Variants in NSMAF observed in about 807,000 individuals in gnomAD.
The protein encoded by NSMAF is neutral sphingomyelinase activation associated factor, also known as protein FAN.
NSMAF carries 90 observed loss-of-function variants against 134.9 expected under a neutral mutation model. The observed-to-expected ratio is 0.67, with a 90% CI of 0.56 to 0.79. The LOEUF (loss-of-function observed/expected upper bound fraction) is 0.79, where lower values mean the gene tolerates loss of function less well. NSMAF is among the 30% of genes least tolerant of loss of function. The probability of loss-of-function intolerance (pLI) is 0.00; values close to 1 mark genes in which losing one functional copy is unlikely to be tolerated. For synonymous variants in NSMAF, 358 were observed against 389.6 expected, an observed-to-expected ratio of 0.92 and a Z score of 0.96; for missense variants, 1,010 against 1,119.0, an observed-to-expected ratio of 0.90 and a Z score of 1.39.
chr8:58,617,924 A>G (rs1483016240), intron 9 of NSMAF, among the ~76,000 whole-genome samples: 1 of 152,234 alleles, frequency 6.6e-6, no homozygotes, highest in Non-Finnish European at 1.5e-5. Flanking sequence ...ATGTCCATCA[A>G]TGATAGACTG....
intron 16 of NSMAF, 144 bp from the exon 17 acceptor site, chr8:58,600,165 T>C (rs1806246026): frequency 1.6e-6 from 1 of 643,994 alleles, no homozygotes; most frequent in African/African-American, 1.8e-5. Flanking sequence ...TCTCTCTGAG[T>C]GTCCCACTTT....
At chr8:58,623,587 A>T (rs1585748407) in intron 7 of NSMAF, 122 bp downstream of exon 7, 2 of 1,071,572 alleles carry the variant, frequency 1.9e-6, no homozygotes, top group Non-Finnish European at 1.4e-6. Flanking sequence ...TCAACATTTT[A>T]AGTCAATCTG....
rs1462424664 is a variant in NSMAF, at chr8:58,603,375, C to A, written c.880G>T (p.Ala294Ser). Residue 294 changes from alanine (A) to serine (S), a missense_variant, in exon 13 of 31, where the codon GCG (alanine) becomes TCG (serine). By Grantham distance (99) the Ala-to-Ser change is moderately conservative (BLOSUM62 1). Transcript: ENST00000038176. ...YIATYLEHHV[A>S]EHTAESYMLQ... Reference sequence around the variant, plus strand: ...ATGTAGCTCTCAGCAGTGTGCTCCGCCACATGGTGCTCTGGGGGAAGAGGA... The same window carrying A: ...ATGTAGCTCTCAGCAGTGTGCTCCGACACATGGTGCTCTGGGGGAAGAGGA... 2 of 1,613,582 alleles carry A rather than the reference C, an allele frequency of 1.2e-6. No individual in the cohort carries two copies. The highest frequency in any genetic ancestry group is 1.7e-6 in the Non-Finnish European group (2 of 1,179,996).
intron 9 of NSMAF, among the ~76,000 whole-genome samples, chr8:58,622,241 T>G (rs565435740): frequency 4.5e-4 from 69 of 152,190 alleles, no homozygotes; most frequent in Admixed American, 9.8e-4. Context: ...CATTTTAAAA[T>G]TTATTATTTT....
At chr8:58,644,498 T>A (rs565491089) in intron 1 of NSMAF, among the ~76,000 whole-genome samples, 6 of 152,328 alleles carry the variant, frequency 3.9e-5, no homozygotes, top group African/African-American at 1.4e-4. Context: ...GAAATAGGAA[T>A]GCTTTTACAC....
At chr8:58,607,490 A>C (rs1039294126) in intron 11 of NSMAF, among the ~76,000 whole-genome samples, 4 of 152,230 alleles carry the variant, frequency 2.6e-5, no homozygotes, top group Non-Finnish European at 4.4e-5. Context: ...TGAGCCCAGA[A>C]ACTGAGAATG....
Position 58,644,422 on chromosome 8 carries a change from A to T in NSMAF, c.60-1349T>A, listed in dbSNP as rs1421059306. Among the ~76,000 whole-genome samples the T allele has an allele frequency of 2.0e-5, 3 of 152,314 alleles. No individual in the cohort carries two copies. In the South Asian group the frequency reaches 6.2e-4, roughly 32 times the overall value. On this transcript the variant is annotated intron_variant, in intron 1 of 30. Transcript: ENST00000038176. The stretch of plus-strand genomic sequence containing the variant: ...AGAAGGCACCACTCAGGAGAAAACC[A>T]GTTCAAGTCACCGGACTTCCAAAAA...
At chr8:58,608,244 A>T (rs1289891883) in intron 10 of NSMAF, among the ~76,000 whole-genome samples, 4 of 152,244 alleles carry the variant, frequency 2.6e-5, no homozygotes, top group Admixed American at 2.6e-4. Flanking sequence ...ACTGACACAC[A>T]TCTTTTTTAA....
intron 1 of NSMAF, among the ~76,000 whole-genome samples, chr8:58,649,039 G>C (rs1425905049): frequency 6.6e-6 from 1 of 152,222 alleles, no homozygotes; most frequent in Non-Finnish European, 1.5e-5. Context: ...GCATGGAAAA[G>C]TTGCTGGCAC....
At chr8:58,631,589 G>C (rs1472005468) in intron 5 of NSMAF, 43 bp from the exon 6 acceptor site, 9 of 1,120,888 alleles carry the variant, frequency 8.0e-6, no homozygotes, top group Non-Finnish European at 1.2e-5. Context: ...TAACCAAAAT[G>C]TTTCATTGTA....
At chr8:58,589,355 G>T in intron 26 of NSMAF, 97 bp downstream of exon 26, 1 of 947,074 alleles carries the variant, frequency 1.1e-6, no homozygotes, top group Non-Finnish European at 1.4e-6. Context: ...AGGTAGTTGA[G>T]TGGCTTATAA....
chr8:58,599,231 C>A lies in NSMAF; in HGVS notation c.1585+1G>T, dbSNP rs1806215442. Reference sequence around the variant, plus strand: ...ATAAAATTTCAATGAATATTACATACCATTATGGGCCCCAACTGCATCACT... The same window carrying A: ...ATAAAATTTCAATGAATATTACATAACATTATGGGCCCCAACTGCATCACT... On this transcript the variant is annotated splice_donor_variant, in intron 19 of 30. Transcript: ENST00000038176. LOFTEE classifies it high-confidence loss of function. 11 of 1,611,874 alleles carry A rather than the reference C, an allele frequency of 6.8e-6. No individual in the cohort carries two copies. The highest frequency in any genetic ancestry group is 8.5e-6 in the Non-Finnish European group (10 of 1,178,796).
chr8:58,624,277 C>A (rs1441300448), intron 6 of NSMAF, among the ~76,000 whole-genome samples: 1 of 151,944 alleles, frequency 6.6e-6, no homozygotes, highest in Non-Finnish European at 1.5e-5. Flanking sequence ...AAACTCCTGA[C>A]CTCAGGTGAT....
chr8:58,624,639 T>A (rs1330950932), intron 6 of NSMAF, among the ~76,000 whole-genome samples: 2 of 152,212 alleles, frequency 1.3e-5, no homozygotes, highest in Non-Finnish European at 2.9e-5. Flanking sequence ...TCCTCTTAAA[T>A]TTGTTAGGAC....
At position 58,623,256 on chromosome 8, in the gene NSMAF, T is replaced by G; in HGVS notation, c.521A>C (p.Gln174Pro). The G allele has an allele frequency of 1.9e-6, 3 of 1,610,516 alleles. No individual in the cohort carries two copies. The highest frequency in any genetic ancestry group is 2.5e-6 in the Non-Finnish European group (3 of 1,177,954). ...DQTAMITAIL[Q>P]SRLARTSFDK... is the part of the protein sequence containing the mutation. ...AAATGATGTTCTAGCTAAACGAGACTGCAAAATAGCTGTTATCTATTAAAA... is the reference window on the plus strand; with the variant it reads ...AAATGATGTTCTAGCTAAACGAGACGGCAAAATAGCTGTTATCTATTAAAA... Residue 174 changes from glutamine (Q) to proline (P), a missense_variant, in exon 9 of 31, where the codon CAG becomes CCG. By Grantham distance (76) the Gln-to-Pro change is moderately conservative. Transcript: ENST00000038176.
At chr8:58,593,284 G>A (rs1324394159) in intron 23 of NSMAF, among the ~76,000 whole-genome samples, 1 of 152,134 alleles carries the variant, frequency 6.6e-6, no homozygotes, top group Non-Finnish European at 1.5e-5. Context: ...TCACTTCTAT[G>A]CTTTGTGGAA....
rs1306608657 is a variant in NSMAF, at chr8:58,595,779, T to C, written c.1793-120A>G. ...TAAGAAATGAAACACCCTGTCACAA[T>C]ATAACTGCTTTGAAATGTACCTGTT... is the stretch of plus-strand genomic sequence containing the variant. On this transcript the variant is annotated intron_variant, in intron 21 of 30. Transcript: ENST00000038176. 5 of 662,916 alleles carry C rather than the reference T, an allele frequency of 7.5e-6. No individual in the cohort carries two copies. In the East Asian group the frequency reaches 1.4e-4, roughly 18 times the overall value. The allele number at this position is 662,916 out of a possible 1,614,324, so 41.1% of individuals were successfully genotyped here.
At chr8:58,644,107 G>A (rs1807392509) in intron 1 of NSMAF, among the ~76,000 whole-genome samples, 2 of 152,150 alleles carry the variant, frequency 1.3e-5, no homozygotes, top group Non-Finnish European at 2.9e-5. Context: ...TGAGTTACAG[G>A]CAAAAGCTTT....
intron 1 of NSMAF, among the ~76,000 whole-genome samples, chr8:58,647,698 T>C (rs1053743576): frequency 6.6e-6 from 1 of 152,200 alleles, no homozygotes; most frequent in Non-Finnish European, 1.5e-5. Flanking sequence ...CCACTCACTT[T>C]CTGCCATAGT....
Sources: gnomAD v4.1 joint callset for allele counts (sites outside exome capture counted in the v4.1 genomes callset) on GRCh38, gnomAD v4.1.1 for gene constraint, MANE v1.5 for transcripts, NCBI Gene and HGNC (gene_info 2026-07-23, HGNC 2026-07-21) for gene names.